The following PLEKHA3 variants were observed in gnomAD, a reference collection of about 807,000 sequenced individuals.
PLEKHA3 encodes pleckstrin homology domain containing A3, also known as pleckstrin homology domain-containing family A member 3.
In PLEKHA3, 19 loss-of-function variants were observed where a neutral mutation model predicts 39.2. The observed-to-expected ratio is 0.48, with a 90% CI of 0.34 to 0.71. The LOEUF is 0.71. PLEKHA3 is among the 30% of genes least tolerant of loss of function. PLEKHA3 has a pLI of 0.01. For synonymous variants in PLEKHA3, 97 were observed against 118.6 expected, an observed-to-expected ratio of 0.82 and a Z score of 1.18; for missense variants, 253 against 359.5, an observed-to-expected ratio of 0.70 and a Z score of 2.40.
In PLEKHA3 at chr2:178,514,330, G is replaced by A. The variant is rs1211928520; in HGVS notation, c.*10443G>A. ...GTCTGCATGGGCTTACTAAGAGGGT[G>A]TGGGGAATGGTGGCAGGGGTAACTA... On this transcript the variant is annotated 3_prime_UTR_variant, in exon 8 of 8. Coordinates refer to ENST00000234453, the MANE Select transcript of PLEKHA3 (RefSeq NM_019091.4). The A allele has an allele frequency of 3.9e-5, 6 of 152,112 alleles. No homozygotes were observed. Among genetic ancestry groups the A allele is most frequent in the African/African-American group, 1.4e-4 (6 of 41,416 alleles). The allele number at this position is 152,112 out of a possible 1,614,324, so 9.4% of individuals were successfully genotyped here. A position where few individuals can be genotyped will look rare whatever the true frequency, so the allele number is the denominator to read the frequency against.
chr2:178,492,549 C>T (rs112775999), intron 3 of PLEKHA3, among the ~76,000 whole-genome samples: 20,199 of 150,400 alleles, frequency 0.13, 1,854 homozygotes, highest in Middle Eastern at 0.26. Flanking sequence ...GTGCAGCGCA[C>T]CAGCATGGCA....
chr2:178,503,986 C>G lies in PLEKHA3; in HGVS notation c.*99C>G, dbSNP rs1685569999. ...AGTAGTTTTTTCCCTTAGGACTCTG[C>G]ACTTTATAGAATGTTGTAAAACAGA... On this transcript the variant is annotated 3_prime_UTR_variant, in exon 8 of 8. Transcript: ENST00000234453. 1.6e-6 allele frequency: 2 copies of G among 1,279,160 alleles called. No homozygotes were observed. The highest frequency in any genetic ancestry group is 2.4e-5 in the East Asian group (1 of 42,152). The allele number at this position is 1,279,160 out of a possible 1,614,324, so 79.2% of individuals were successfully genotyped here.
rs576303479 is a variant in PLEKHA3, at chr2:178,485,769, T to C, written c.157+12T>C. The stretch of plus-strand genomic sequence containing the variant: ...TTGTGAAATTAAAGGTAAGTGAATA[T>C]ACAGAATTAGAGGAATTGGAGGTTA... On this transcript the variant is annotated intron_variant, in intron 2 of 7. Coordinates refer to ENST00000234453, the MANE Select transcript of PLEKHA3 (RefSeq NM_019091.4). 9.5e-6 allele frequency: 15 copies of C among 1,579,446 alleles called. No homozygotes were observed. The African/African-American group carries it at 1.6e-4, about 17-fold the overall frequency.
chr2:178,510,385 A>G lies in PLEKHA3; in HGVS notation c.*6498A>G, dbSNP rs570198764. ...TGAAGTATAGGAGATAAGATAATGC[A>G]GATGATGTTTGTTATGCCTTACCTA... On this transcript the variant is annotated 3_prime_UTR_variant, in exon 8 of 8. Coordinates refer to ENST00000234453, the MANE Select transcript of PLEKHA3 (RefSeq NM_019091.4). The G allele has an allele frequency of 6.5e-6, 1 of 153,886 alleles. No homozygotes were observed. Among genetic ancestry groups the G allele is most frequent in the East Asian group, 1.9e-4 (1 of 5,188 alleles). The allele number at this position is 153,886 out of a possible 1,614,324, so 9.5% of individuals were successfully genotyped here. A position where few individuals can be genotyped will look rare whatever the true frequency, so the allele number is the denominator to read the frequency against.
At chr2:178,485,819 C>A in intron 2 of PLEKHA3, 62 bp downstream of exon 2, 1 of 1,248,842 alleles carries the variant, frequency 8.0e-7, no homozygotes, top group Non-Finnish European at 1.2e-6. Context: ...CTTCAGCATA[C>A]TCCAGACGAG....
chr2:178,489,864 G>T (rs1356963407), intron 2 of PLEKHA3, among the ~76,000 whole-genome samples: 2 of 152,096 alleles, frequency 1.3e-5, no homozygotes, highest in East Asian at 3.8e-4. Flanking sequence ...AAACATATGT[G>T]TATTCTGATT....
intron 1 of PLEKHA3, 47 bp downstream of exon 1, chr2:178,480,956 G>T: frequency 7.7e-7 from 1 of 1,302,448 alleles, no homozygotes; most frequent in Non-Finnish European, 9.9e-7. Flanking sequence ...GCGGGGGGCT[G>T]CTGAGAAGGC....
At position 178,507,695 on chromosome 2, in the gene PLEKHA3, G is replaced by A. The variant is rs545595129; in HGVS notation, c.*3808G>A. ...TTTTTTTTTTTTTTTTTTTTTTTTTGGCAAAGCTCCTCCACCAGTAACTTC... is the reference window on the plus strand; with the variant it reads ...TTTTTTTTTTTTTTTTTTTTTTTTTAGCAAAGCTCCTCCACCAGTAACTTC... On this transcript the variant is annotated 3_prime_UTR_variant, in exon 8 of 8. Transcript: ENST00000234453. 6.8e-3 allele frequency: 62 copies of A among 9,056 alleles called. No individual in the cohort carries two copies. Among genetic ancestry groups the A allele is most frequent in the Non-Finnish European group, 0.02 (50 of 2,562 alleles). The allele number at this position is 9,056 out of a possible 1,614,324, so 0.6% of individuals were successfully genotyped here.
intron 6 of PLEKHA3, 65 bp from the exon 7 acceptor site, chr2:178,500,996 T>G (rs1014382316): frequency 2.1e-6 from 2 of 967,642 alleles, no homozygotes; most frequent in Admixed American, 4.4e-5. Flanking sequence ...CATTTAAAAT[T>G]CCAGTTGAGT....
intron 5 of PLEKHA3, among the ~76,000 whole-genome samples, chr2:178,498,126 C>A (rs544723503): frequency 1.3e-5 from 2 of 152,180 alleles, no homozygotes; most frequent in African/African-American, 2.4e-5. Flanking sequence ...AGTAAACTTG[C>A]ATTTAACTTT....
In PLEKHA3 at chr2:178,495,637, G is replaced by C. The variant is rs768372368; in HGVS notation, c.592G>C (p.Val198Leu). The C allele has an allele frequency of 1.2e-6, 2 of 1,611,770 alleles. No individual in the cohort carries two copies. ...LHHPDPLVSP[V>L]SPSPVQMMKR... ...CCATCCGGATCCCTTAGTTTCTCCT[G>C]TGTCACCTTCTCCTGTTCAAATGGT... Residue 198 changes from valine to leucine, a missense_variant, in exon 5 of 8, where the codon GTG becomes CTG. Physicochemically the swap from Val to Leu is conservative, Grantham distance 32. This residue lies in a region of PLEKHA3 where 127 missense variants were observed against 136.8 expected (regional missense o/e 0.93). Coordinates refer to ENST00000234453, the MANE Select transcript of PLEKHA3 (RefSeq NM_019091.4).
Position 178,510,483 on chromosome 2 carries a change from G to C in PLEKHA3, c.*6596G>C, listed in dbSNP as rs1685666157. The C allele has an allele frequency of 6.5e-6, 1 of 153,782 alleles. No individual in the cohort carries two copies. The highest frequency in any genetic ancestry group is 6.5e-5 in the Admixed American group (1 of 15,284). 9.5% of individuals were successfully genotyped at this position (153,782 alleles called of 1,614,324 possible). ...GATTCCCTTCATTCCCAGTGCAACA[G>C]TGTTGGGAGGTGGGGCCTACCAGGA... On this transcript the variant is annotated 3_prime_UTR_variant, in exon 8 of 8. Coordinates refer to ENST00000234453, the MANE Select transcript of PLEKHA3 (RefSeq NM_019091.4).
chr2:178,489,340 A>G (rs933376118), intron 2 of PLEKHA3, among the ~76,000 whole-genome samples: 2 of 151,792 alleles, frequency 1.3e-5, no homozygotes, highest in African/African-American at 4.9e-5. Context: ...TATTTATAGC[A>G]ATTAATTATT....
chr2:178,503,955 A>G lies in PLEKHA3; in HGVS notation c.*68A>G. On this transcript the variant is annotated 3_prime_UTR_variant, in exon 8 of 8. Transcript: ENST00000234453. ...AAGCTGCTGTAATTAAACTATTGTT[A>G]TAGGGAGTAGTTTTTTCCCTTAGGA... The G allele has an allele frequency of 1.3e-6, 2 of 1,568,004 alleles. No homozygotes were observed. The highest frequency in any genetic ancestry group is 1.7e-6 in the Non-Finnish European group (2 of 1,146,050).
chr2:178,506,298 G>C lies in PLEKHA3; in HGVS notation c.*2411G>C, dbSNP rs752577397. On this transcript the variant is annotated 3_prime_UTR_variant, in exon 8 of 8. Coordinates refer to ENST00000234453, the MANE Select transcript of PLEKHA3 (RefSeq NM_019091.4). ...CCTATCAGTGATCTTCTAAGCAAAA[G>C]CAGTGCTTGTTTTTCATTTCAAGTG... 3 of 152,116 alleles carry C rather than the reference G, an allele frequency of 2.0e-5. No homozygotes were observed. Among genetic ancestry groups the C allele is most frequent in the Non-Finnish European group, 2.9e-5 (2 of 68,014 alleles). 9.4% of individuals were successfully genotyped at this position (152,116 alleles called of 1,614,324 possible). A position where few individuals can be genotyped will look rare whatever the true frequency, so the allele number is the denominator to read the frequency against.
At position 178,491,629 on chromosome 2, in the gene PLEKHA3, T is replaced by C. The variant is rs1033630443; in HGVS notation, c.313+815T>C. Among the ~76,000 whole-genome samples, 5 of 152,252 alleles carry C rather than the reference T, an allele frequency of 3.3e-5. 1 individual carries two copies. Among genetic ancestry groups the C allele is most frequent in the Admixed American group, 3.3e-4 (5 of 15,292 alleles). On this transcript the variant is annotated intron_variant, in intron 3 of 7. Coordinates refer to ENST00000234453, the MANE Select transcript of PLEKHA3 (RefSeq NM_019091.4). Reference sequence around the variant, plus strand: ...AAAGCAAAGCAAATGATTTATGTTATTAGTTCAACTATATACAGATATAAT... The same window carrying C: ...AAAGCAAAGCAAATGATTTATGTTACTAGTTCAACTATATACAGATATAAT...
chr2:178,512,343 AC>A lies in PLEKHA3; in HGVS notation c.*8457del, dbSNP rs1286428154. On this transcript the variant is annotated 3_prime_UTR_variant, in exon 8 of 8. Transcript: ENST00000234453. ...TTAATGCATTAAGCAATTTTTTTTGACATAAATGAAGGGTTGTTTCCATGGG... is the reference window on the plus strand; with the variant it reads ...TTAATGCATTAAGCAATTTTTTTTGAATAAATGAAGGGTTGTTTCCATGGG... 3 of 152,184 alleles carry A rather than the reference AC, an allele frequency of 2.0e-5. No individual in the cohort carries two copies. Among genetic ancestry groups the A allele is most frequent in the Non-Finnish European group, 2.9e-5 (2 of 68,018 alleles). The allele number at this position is 152,184 out of a possible 1,614,324, so 9.4% of individuals were successfully genotyped here.
At chr2:178,501,737 A>C (rs1685532029) in intron 7 of PLEKHA3, among the ~76,000 whole-genome samples, 1 of 152,024 alleles carries the variant, frequency 6.6e-6, no homozygotes, top group South Asian at 2.1e-4. Flanking sequence ...TTCAGAGAAG[A>C]AGCTTTGAAA....
At chr2:178,481,702 T>C (rs1685165887) in intron 1 of PLEKHA3, among the ~76,000 whole-genome samples, 1 of 152,154 alleles carries the variant, frequency 6.6e-6, no homozygotes, top group South Asian at 2.1e-4. Flanking sequence ...GGCAAGTCAG[T>C]TATTCTTTCA....
Sources: gnomAD v4.1 joint callset for allele counts (sites outside exome capture counted in the v4.1 genomes callset) on GRCh38, gnomAD v4.1.1 for gene constraint, gnomAD v4.1.1 regional missense constraint, MANE v1.5 for transcripts, NCBI Gene and HGNC (gene_info 2026-07-23, HGNC 2026-07-21) for gene names.